Variants in ALK observed in about 807,000 individuals in gnomAD.
ALK encodes the protein ALK tyrosine kinase receptor.
Under a neutral mutation model 163.1 loss-of-function variants are expected in ALK, and 74 were observed. The ratio of observed to expected loss-of-function variants is 0.45; its 90% confidence interval spans 0.38 to 0.55. The LOEUF is 0.55. ALK is among the 20% of genes least tolerant of loss of function. The probability of loss-of-function intolerance (pLI) is 0.00; values close to 1 mark genes in which losing one functional copy is unlikely to be tolerated. For synonymous variants in ALK, 960 were observed against 843.2 expected (o/e 1.14, Z -2.40); for missense variants, 2,063 against 2,105.3 (o/e 0.98, Z 0.39).
intron 4 of ALK, among the ~76,000 whole-genome samples, chr2:29,520,352 C>G (rs1672779686): frequency 6.6e-6 from 1 of 152,218 alleles, no homozygotes; most frequent in Admixed American, 6.5e-5. Flanking sequence ...CAAAGAGTTT[C>G]TGGTCCAATT....
intron 5 of ALK, among the ~76,000 whole-genome samples, chr2:29,376,390 G>T (rs1668753394): frequency 6.6e-6 from 1 of 152,206 alleles, no homozygotes; most frequent in Non-Finnish European, 1.5e-5. Context: ...TAGGGTTAGG[G>T]TGCAAATTAA....
At chr2:29,748,331 G>A (rs150051688) in intron 1 of ALK, among the ~76,000 whole-genome samples, 2 of 152,290 alleles carry the variant, frequency 1.3e-5, no homozygotes, top group East Asian at 3.9e-4. Context: ...AGGGTGTGTT[G>A]ACTAAACTAT....
intron 3 of ALK, among the ~76,000 whole-genome samples, chr2:29,570,668 C>A (rs1324588369): frequency 6.6e-6 from 1 of 152,196 alleles, no homozygotes; most frequent in Non-Finnish European, 1.5e-5. Flanking sequence ...TCCTCAAAGC[C>A]TCTGACGGGC....
At chr2:29,888,250 T>G (rs1572471443) in intron 1 of ALK, among the ~76,000 whole-genome samples, 2 of 146,826 alleles carry the variant, frequency 1.4e-5, no homozygotes, top group South Asian at 4.3e-4. Context: ...TAAATTGTTT[T>G]TTTTTTTTTT....
Position 29,920,213 on chromosome 2 carries a change from C to T in ALK, c.447G>A (p.Ala149=). The change falls in exon 1 of 29, where the codon GCG becomes GCA. Residue 149 remains alanine, a synonymous_variant. Coordinates refer to ENST00000389048, the MANE Select transcript of ALK (RefSeq NM_004304.5). ...KQLVLELGEE[A]ILEGCVGPPG... is the part of the protein sequence containing the mutation. ...GGGGCCCGACGCAACCCTCCAAGAT[C>T]GCCTCCTCGCCCAGCTCCAGCACCA... The T allele has an allele frequency of 6.2e-7, 1 of 1,613,016 alleles. No individual in the cohort carries two copies. Among genetic ancestry groups the T allele is most frequent in the Non-Finnish European group, 8.5e-7 (1 of 1,179,884 alleles).
intron 4 of ALK, among the ~76,000 whole-genome samples, chr2:29,405,234 A>G (rs1232424708): frequency 1.3e-5 from 2 of 152,172 alleles, no homozygotes; most frequent in Non-Finnish European, 2.9e-5. Context: ...AGGTCTAGTT[A>G]GATGGAGAAA....
chr2:29,733,201 G>T (rs1199724528), intron 1 of ALK, among the ~76,000 whole-genome samples: 1 of 152,192 alleles, frequency 6.6e-6, no homozygotes, highest in Non-Finnish European at 1.5e-5. Flanking sequence ...ATTCTCCCTG[G>T]AAGTCATACA....
At chr2:29,429,753 G>A (rs888019340) in intron 4 of ALK, among the ~76,000 whole-genome samples, 4 of 151,972 alleles carry the variant, frequency 2.6e-5, no homozygotes, top group South Asian at 2.1e-4. Flanking sequence ...TAAAATTTTC[G>A]AGGGACCCCA....
At chr2:29,768,379 T>C (rs574806226) in intron 1 of ALK, among the ~76,000 whole-genome samples, 2 of 152,284 alleles carry the variant, frequency 1.3e-5, no homozygotes, top group South Asian at 4.1e-4. Context: ...CCTCAGGAAA[T>C]CTACTCAGTA....
intron 15 of ALK, among the ~76,000 whole-genome samples, chr2:29,231,207 G>A (rs1266392862): frequency 1.3e-5 from 2 of 152,072 alleles, no homozygotes; most frequent in Non-Finnish European, 2.9e-5. Context: ...GCGTGGTGGC[G>A]TGTGCCTGTA....
intron 1 of ALK, among the ~76,000 whole-genome samples, chr2:29,914,515 G>C (rs947703659): frequency 2.0e-5 from 3 of 152,228 alleles, no homozygotes; most frequent in African/African-American, 7.2e-5. Context: ...AAAAACAATA[G>C]TGGTTCATAT....
At chr2:29,606,305 G>T (rs1257715106) in intron 3 of ALK, among the ~76,000 whole-genome samples, 4 of 152,174 alleles carry the variant, frequency 2.6e-5, no homozygotes, top group African/African-American at 9.7e-5. Context: ...TTTCAGTTTG[G>T]ACCCAAACAG....
At chr2:29,725,154 CAAA>C (rs757959526) in intron 1 of ALK, among the ~76,000 whole-genome samples, 7 of 67,370 alleles carry the variant, frequency 1.0e-4, no homozygotes, top group East Asian at 9.0e-4. Flanking sequence ...TATCCTATAC[CAAA>C]AAAAAAAAAA....
intron 3 of ALK, among the ~76,000 whole-genome samples, chr2:29,685,714 G>T (rs1197946574): frequency 6.6e-6 from 1 of 152,178 alleles, no homozygotes; most frequent in Non-Finnish European, 1.5e-5. Context: ...TCCTATTGCT[G>T]CAGTAACAAA....
chr2:29,650,719 T>C (rs1321659347), intron 3 of ALK, among the ~76,000 whole-genome samples: 2 of 152,088 alleles, frequency 1.3e-5, no homozygotes, highest in African/African-American at 2.4e-5. Context: ...GGTCTCCGTG[T>C]TAACAGAGCT....
At chr2:29,911,910 T>C (rs151216702) in intron 1 of ALK, among the ~76,000 whole-genome samples, 152 of 152,298 alleles carry the variant, frequency 1.0e-3, no homozygotes, top group African/African-American at 3.6e-3. Context: ...GGAAAATGAA[T>C]GGAAAGGTAG....
At chr2:29,727,024 T>G (rs1360929196) in intron 1 of ALK, among the ~76,000 whole-genome samples, 3 of 152,168 alleles carry the variant, frequency 2.0e-5, no homozygotes, top group Non-Finnish European at 2.9e-5. Flanking sequence ...AGAAAGAAAC[T>G]GACCAGGTCA....
intron 23 of ALK, among the ~76,000 whole-genome samples, chr2:29,215,250 G>A (rs767366063): frequency 1.3e-5 from 2 of 152,194 alleles, no homozygotes; most frequent in Admixed American, 6.5e-5. Context: ...CCAGCCAGGC[G>A]GCAGCGGTGG....
chr2:29,336,994 T>TGGAGTC (rs1558680787), intron 5 of ALK, among the ~76,000 whole-genome samples: 2 of 152,010 alleles, frequency 1.3e-5, no homozygotes, highest in Admixed American at 6.5e-5. Context: ...GGGCTGGAGC[T>TGGAGTC]GGAGTCTAGG....
Sources: allele counts gnomAD v4.1 joint callset (sites outside exome capture counted in the v4.1 genomes callset), GRCh38; gene constraint gnomAD v4.1.1; transcripts MANE v1.5; gene names NCBI Gene and HGNC (gene_info 2026-07-23, HGNC 2026-07-21).